Variants in PLEKHS1 observed in about 807,000 individuals in gnomAD.
The protein encoded by PLEKHS1 is pleckstrin homology domain containing S1.
Under a neutral mutation model 51.0 loss-of-function variants are expected in PLEKHS1, and 55 were observed. The observed-to-expected ratio is 1.08, with a 90% CI of 0.87 to 1.35. PLEKHS1 has a LOEUF of 1.35. PLEKHS1 is among the 40% of genes most tolerant of loss of function. The pLI is 0.00. For synonymous variants in PLEKHS1, 153 were observed against 144.8 expected (o/e 1.06, Z -0.41); for missense variants, 398 against 423.0 (o/e 0.94, Z 0.52).
At chr10:113,767,568 T>C in intron 5 of PLEKHS1, 89 bp downstream of exon 5, 2 of 1,277,816 alleles carry the variant, frequency 1.6e-6, no homozygotes, top group Non-Finnish European at 2.1e-6. Context: ...ATAAACATGT[T>C]CTGAACCCAC....
chr10:113,774,205 C>A, intron 8 of PLEKHS1, 22 bp from the exon 9 acceptor site: 1 of 1,433,772 alleles, frequency 7.0e-7, no homozygotes, highest in Non-Finnish European at 9.7e-7. Context: ...GGGATTCTTA[C>A]ATCTATTCCT....
intron 6 of PLEKHS1, 53 bp downstream of exon 6, chr10:113,768,943 C>T (rs1593029147): frequency 7.5e-7 from 1 of 1,334,504 alleles, no homozygotes; most frequent in South Asian, 1.4e-5. Flanking sequence ...AACCCTCTTT[C>T]AATAGAAAAC....
chr10:113,781,070 G>A, exon 12 of PLEKHS1: 1 of 409,578 alleles, frequency 2.4e-6, no homozygotes. Flanking sequence ...AATACATGCT[G>A]TGTTCTGTGA....
chr10:113,762,767 G>C (rs1843999790), intron 2 of PLEKHS1, among the ~76,000 whole-genome samples: 1 of 151,914 alleles, frequency 6.6e-6, no homozygotes, highest in South Asian at 2.1e-4. Flanking sequence ...GTGCCCTTGA[G>C]AAGAATGTAT....
intron 1 of PLEKHS1, among the ~76,000 whole-genome samples, chr10:113,753,325 T>G (rs1023433767): frequency 6.6e-6 from 1 of 152,208 alleles, no homozygotes; most frequent in Non-Finnish European, 1.5e-5. Flanking sequence ...GGAAAGAACC[T>G]CATGGATTTG....
chr10:113,774,777 G>A, intron 9 of PLEKHS1, 49 bp from the exon 10 acceptor site: 1 of 1,550,980 alleles, frequency 6.4e-7, no homozygotes, highest in Non-Finnish European at 8.9e-7. Context: ...GGGGAACACT[G>A]TAAAAACACA....
At chr10:113,777,227 T>C in intron 11 of PLEKHS1, 1 of 1,612,852 alleles carries the variant, frequency 6.2e-7, no homozygotes, top group Non-Finnish European at 8.5e-7. Context: ...GGAGGAGGTC[T>C]CCCTGTTTCT....
At chr10:113,760,679 T>A (rs996193372) in intron 2 of PLEKHS1, among the ~76,000 whole-genome samples, 1 of 152,194 alleles carries the variant, frequency 6.6e-6, no homozygotes, top group Non-Finnish European at 1.5e-5. Flanking sequence ...TTGTGTTGCA[T>A]TGTAAGAGTT....
At chr10:113,762,365 C>CTTTTTTTTTTTTTTTTTTTTTTTTTTTCT (rs34457408) in intron 2 of PLEKHS1, among the ~76,000 whole-genome samples, 2 of 61,772 alleles carry the variant, frequency 3.2e-5, no homozygotes, top group East Asian at 5.0e-4. Context: ...AGATTTGTTC[C>CTTTTTTTTTTTTTTTTTTTTTTTTTTTCT]TTTTTTTTTT....
At chr10:113,769,749 A>G in intron 6 of PLEKHS1, 35 bp from the exon 7 acceptor site, 1 of 1,363,968 alleles carries the variant, frequency 7.3e-7, no homozygotes, top group South Asian at 1.2e-5. Flanking sequence ...ACAGAGATCA[A>G]CTGTGCCCTG....
chr10:113,777,009 G>A (rs1844698300), intron 11 of PLEKHS1, 115 bp from the exon 12 acceptor site: 2 of 1,181,622 alleles, frequency 1.7e-6, no homozygotes, highest in Non-Finnish European at 2.4e-6. Context: ...AACAGAAGGA[G>A]ATAGTCTACT....
At chr10:113,778,000 C>A (rs533006255) in intron 11 of PLEKHS1, 57 of 304,240 alleles carry the variant, frequency 1.9e-4, no homozygotes, top group Non-Finnish European at 3.4e-4. Context: ...AAAAGAAAAA[C>A]AACAACAGAC....
At chr10:113,756,394 G>C (rs1326889985) in intron 2 of PLEKHS1, among the ~76,000 whole-genome samples, 1 of 152,176 alleles carries the variant, frequency 6.6e-6, no homozygotes, top group Non-Finnish European at 1.5e-5. Context: ...CTGGGAGGCA[G>C]AGGTTGCAGA....
chr10:113,769,380 C>T (rs1049955107), intron 6 of PLEKHS1, among the ~76,000 whole-genome samples: 11 of 152,176 alleles, frequency 7.2e-5, no homozygotes, highest in African/African-American at 2.7e-4. Context: ...ATAGATGGAA[C>T]TTTGGTCCCT....
At chr10:113,753,045 AG>A (rs1340245121) in intron 1 of PLEKHS1, among the ~76,000 whole-genome samples, 1 of 152,240 alleles carries the variant, frequency 6.6e-6, no homozygotes, top group African/African-American at 2.4e-5. Context: ...TAAACTTTAA[AG>A]GCTTTAGAAA....
intron 1 of PLEKHS1, among the ~76,000 whole-genome samples, chr10:113,752,537 A>G (rs1027560469): frequency 7.9e-5 from 12 of 152,150 alleles, no homozygotes; most frequent in Admixed American, 7.2e-4. Flanking sequence ...AGGGTATCTC[A>G]AGTGATACTC....
intron 2 of PLEKHS1, among the ~76,000 whole-genome samples, chr10:113,762,022 T>C (rs1408399416): frequency 6.6e-6 from 1 of 152,084 alleles, no homozygotes; most frequent in Non-Finnish European, 1.5e-5. Flanking sequence ...AGGTTATCTA[T>C]TTCTTCTTCA....
At chr10:113,782,284 C>G (rs74874608) in exon 12 of PLEKHS1, 1 of 152,184 alleles carries the variant, frequency 6.6e-6, no homozygotes, top group African/African-American at 2.4e-5. Context: ...CTAAAACCAG[C>G]TCTGGGAAAC....
Position 113,777,410 on chromosome 10 carries a change from G to T in PLEKHS1, c.1091+1544G>T, listed in dbSNP as rs774816619. ...TGCAAATAACAGAATGTGCTTTCAG[G>T]ACTCTTTCAGGATTCTTTCATATCA... On this transcript the variant is annotated intron_variant, in intron 11 of 11. Coordinates refer to ENST00000361048, the Ensembl canonical transcript of PLEKHS1. 14 of 1,609,830 alleles carry T rather than the reference G, an allele frequency of 8.7e-6. No individual in the cohort carries two copies. The East Asian group carries it at 2.5e-4, about 28-fold the overall frequency.
Sources: allele counts gnomAD v4.1 joint callset (sites outside exome capture counted in the v4.1 genomes callset), GRCh38; gene constraint gnomAD v4.1.1; transcripts MANE v1.5; gene names NCBI Gene and HGNC (gene_info 2026-07-23, HGNC 2026-07-21).